Variants in LY86 observed in about 807,000 individuals in gnomAD.
LY86 encodes lymphocyte antigen 86, also known as MD-1, RP105-associated.
Under a neutral mutation model 17.3 loss-of-function variants are expected in LY86, and 20 were observed. The ratio of observed to expected loss-of-function variants is 1.15; its 90% CI spans 0.81 to 1.68. The LOEUF (loss-of-function observed/expected upper bound fraction) is 1.68. Ranked by LOEUF, LY86 falls within the 40% of genes most tolerant of loss-of-function variation. The probability of loss-of-function intolerance (pLI) is 0.00; values close to 1 mark genes in which losing one functional copy is unlikely to be tolerated. For synonymous variants in LY86, 74 were observed against 70.6 expected (o/e 1.05, Z -0.24); for missense variants, 200 against 191.9 (o/e 1.04, Z -0.25).
At chr6:6,635,419 C>T (rs1395763852) in intron 3 of LY86, among the ~76,000 whole-genome samples, 2 of 152,080 alleles carry the variant, frequency 1.3e-5, no homozygotes, top group Non-Finnish European at 2.9e-5. Context: ...CTTTCTCTTC[C>T]TCTCTGCCTT....
rs747454151 is a variant in LY86 at position 6,626,406 on chromosome 6, G to A, written c.337G>A (p.Gly113Arg). 1 of 1,613,796 alleles carries A rather than the reference G, an allele frequency of 6.2e-7. No individual in the cohort carries two copies. The highest frequency in any genetic ancestry group is 2.2e-5 in the East Asian group (1 of 44,880). Residue 113 changes from glycine to arginine, a missense_variant, in exon 3 of 5, where the codon GGA becomes AGA. Coordinates refer to ENST00000230568, the MANE Select transcript of LY86 (RefSeq NM_004271.4). ...GGCTCTGCCCAAGTTTTCTTTCTGT[G>A]GAAGAAGGAAAGGAGGTAAGCCATC... is the stretch of plus-strand genomic sequence containing the variant. The part of the protein sequence containing the change: ...EAALPKFSFC[G>R]RRKGEQIYYA...
intron 1 of LY86, among the ~76,000 whole-genome samples, chr6:6,621,712 C>A (rs969306443): frequency 6.6e-6 from 1 of 152,166 alleles, no homozygotes; most frequent in Admixed American, 6.5e-5. Flanking sequence ...ATTGAGGAAT[C>A]CTGCTTTAAG....
chr6:6,633,520 C>T (rs1761923670), intron 3 of LY86, among the ~76,000 whole-genome samples: 1 of 152,108 alleles, frequency 6.6e-6, no homozygotes, highest in Admixed American at 6.5e-5. Flanking sequence ...GATACCATCC[C>T]ATGATAACAC....
intron 1 of LY86, among the ~76,000 whole-genome samples, chr6:6,601,666 G>A (rs1386354102): frequency 1.3e-5 from 2 of 152,048 alleles, no homozygotes; most frequent in Non-Finnish European, 2.9e-5. Flanking sequence ...CTTGCAGTGA[G>A]CAGAGATCGT....
chr6:6,609,691 C>T (rs538449239), intron 1 of LY86, among the ~76,000 whole-genome samples: 185 of 152,234 alleles, frequency 1.2e-3, no homozygotes, highest in African/African-American at 3.7e-3. Context: ...TTTTTTCCTC[C>T]TGTTGGTCTG....
At chr6:6,602,783 T>C (rs1158603754) in intron 1 of LY86, among the ~76,000 whole-genome samples, 3 of 152,184 alleles carry the variant, frequency 2.0e-5, no homozygotes, top group African/African-American at 7.2e-5. Flanking sequence ...GAGCTGTTCC[T>C]GTAGGCATTA....
intron 1 of LY86, among the ~76,000 whole-genome samples, chr6:6,612,228 G>C (rs960606651): frequency 1.3e-5 from 2 of 152,200 alleles, no homozygotes; most frequent in Admixed American, 1.3e-4. Context: ...AGTTCTTCAA[G>C]AGGGCGTGTC....
At position 6,612,523 on chromosome 6, in the gene LY86, A is replaced by C. The variant is rs113208905; in HGVS notation, c.137-12403A>C. Reference sequence around the variant, plus strand: ...AACACTTACTGCAAAAAGCAAAAGAACAAACCAACCACACAAAAGCAACGA... The same window carrying C: ...AACACTTACTGCAAAAAGCAAAAGACCAAACCAACCACACAAAAGCAACGA... On this transcript the variant is annotated intron_variant, in intron 1 of 4. Coordinates refer to ENST00000230568, the MANE Select transcript of LY86 (RefSeq NM_004271.4). Among the ~76,000 whole-genome samples the C allele has an allele frequency of 5.0e-3, 758 of 152,344 alleles. 7 individuals are homozygous for C. The highest frequency in any genetic ancestry group is 0.017 in the African/African-American group (714 of 41,574).
At chr6:6,626,950 C>T (rs1296773499) in intron 3 of LY86, among the ~76,000 whole-genome samples, 1 of 152,204 alleles carries the variant, frequency 6.6e-6, no homozygotes, top group Non-Finnish European at 1.5e-5. Context: ...GCTACCTTTT[C>T]GGCAGTGCAC....
chr6:6,645,639 C>T (rs1359902612), intron 3 of LY86, among the ~76,000 whole-genome samples: 1 of 151,916 alleles, frequency 6.6e-6, no homozygotes, highest in Non-Finnish European at 1.5e-5. Flanking sequence ...CAGGTATAAA[C>T]ATGCCCAAGG....
rs770459935 is a variant in LY86 at position 6,654,583 on chromosome 6, C to T, written c.445C>T (p.Arg149Trp). 49 of 1,614,100 alleles carry T rather than the reference C, an allele frequency of 3.0e-5. No individual in the cohort carries two copies. Among genetic ancestry groups the T allele is most frequent in the South Asian group, 7.7e-5 (7 of 91,082 alleles). The change falls in exon 5 of 5, where the codon CGG (arginine) becomes TGG (tryptophan). Residue 149 changes from arginine (R) to tryptophan (W), a missense_variant. Arg to Trp is a moderately radical substitution (Grantham distance 101, BLOSUM62 -3). Transcript: ENST00000230568. ...TTTGCTGGAACTGTACACTGAAAAA[C>T]GGTCCACCGTGGCCTGTGCCAATGC... ...QVLLELYTEK[R>W]STVACANATI...
Position 6,628,892 on chromosome 6 carries a change from T to C in LY86, c.352+2471T>C, listed in dbSNP as rs772560497. Among the ~76,000 whole-genome samples the C allele has an allele frequency of 4.7e-4, 71 of 152,254 alleles. 2 individuals carry two copies. Among genetic ancestry groups the C allele is most frequent in the Non-Finnish European group, 1.9e-4 (13 of 68,032 alleles). On this transcript the variant is annotated intron_variant, in intron 3 of 4. Transcript: ENST00000230568. Reference sequence around the variant, plus strand: ...AAAAATGACTACTTAAGGCTGCTTATGCATGGCACAAAGACACAACATGCA... The same window carrying C: ...AAAAATGACTACTTAAGGCTGCTTACGCATGGCACAAAGACACAACATGCA...
intron 1 of LY86, among the ~76,000 whole-genome samples, chr6:6,620,142 G>A (rs557760395): frequency 2.7e-4 from 41 of 151,786 alleles, no homozygotes; most frequent in African/African-American, 9.2e-4. Context: ...ACATGCGCTT[G>A]TACACACACA....
intron 1 of LY86, among the ~76,000 whole-genome samples, chr6:6,601,384 A>T (rs557906310): frequency 2.0e-3 from 110 of 56,194 alleles, no homozygotes; most frequent in Non-Finnish European, 6.3e-3. Flanking sequence ...GAAAGGGCAG[A>T]TGATGAAGAG....
chr6:6,639,028 C>T (rs956800611), intron 3 of LY86, among the ~76,000 whole-genome samples: 1 of 152,056 alleles, frequency 6.6e-6, no homozygotes, highest in African/African-American at 2.4e-5. Flanking sequence ...AACCAACCCA[C>T]ATGTCCAACA....
At chr6:6,606,765 C>T (rs763345338) in intron 1 of LY86, among the ~76,000 whole-genome samples, 1 of 152,162 alleles carries the variant, frequency 6.6e-6, no homozygotes, top group Non-Finnish European at 1.5e-5. Flanking sequence ...CGCGCTGGCC[C>T]GCAAGCGCCG....
At chr6:6,599,864 TG>T (rs1344114178) in intron 1 of LY86, among the ~76,000 whole-genome samples, 2 of 151,520 alleles carry the variant, frequency 1.3e-5, no homozygotes, top group African/African-American at 2.4e-5. Context: ...CCAGGCAAAC[TG>T]CTTCTTATTC....
chr6:6,590,954 TAA>T (rs987751768), intron 1 of LY86, among the ~76,000 whole-genome samples: 16 of 152,104 alleles, frequency 1.1e-4, no homozygotes, highest in Admixed American at 9.8e-4. Flanking sequence ...TAAAAATAAG[TAA>T]AAGAGAATGA....
At chr6:6,619,241 A>G (rs1761620603) in intron 1 of LY86, among the ~76,000 whole-genome samples, 1 of 152,254 alleles carries the variant, frequency 6.6e-6, no homozygotes, top group Admixed American at 6.5e-5. Flanking sequence ...AACCTAAAAG[A>G]AGAAATCAAA....
Sources: gnomAD v4.1 joint callset for allele counts (sites outside exome capture counted in the v4.1 genomes callset) on GRCh38, gnomAD v4.1.1 for gene constraint, MANE v1.5 for transcripts, NCBI Gene and HGNC (gene_info 2026-07-23, HGNC 2026-07-21) for gene names.